The following UTY variants were observed in gnomAD, a reference collection of about 807,000 sequenced individuals.
UTY encodes the protein ubiquitously transcribed tetratricopeptide repeat containing, Y-linked.
UTY carries 12 observed loss-of-function variants against 32.5 expected under a neutral mutation model. The observed-to-expected ratio is 0.37, with a 90% CI of 0.24 to 0.60. UTY has a LOEUF of 0.60. Among genes scored for constraint, UTY ranks in the 20% least tolerant of loss-of-function variants. The pLI is 0.69. For missense variants in UTY, 303 were observed against 299.2 expected (o/e 1.01, Z -0.09); for synonymous variants, 131 against 103.4 (o/e 1.27, Z -1.62).
At position 13,316,085 on chromosome Y, in the gene UTY, C is replaced by T. The variant is rs925517193; in HGVS notation, c.3276+7470G>A. On this transcript the variant is annotated intron_variant, in intron 21 of 29. Transcript: ENST00000545955. ...TTCTAAATTAAATTAACTGAGACCT[C>T]TCTTGAGATTTTTGGGGTTCATACT... Among the ~76,000 whole-genome samples, 6 of 33,420 alleles carry T rather than the reference C, an allele frequency of 1.8e-4. No homozygotes were observed. In the East Asian group the frequency reaches 4.7e-3, roughly 26 times the overall value. The allele number at this position is 33,420 out of a possible 37,273, so 89.7% of individuals were successfully genotyped here. A position where few individuals can be genotyped will look rare whatever the true frequency, so the allele number is the denominator to read the frequency against.
At chrY:13,246,846 C>CA, downstream of UTY, among the ~76,000 whole-genome samples, 1 of 19,438 alleles carries the variant, frequency 5.1e-5, no homozygotes, top group Non-Finnish European at 1.0e-4. Flanking sequence ...CACTGCACTC[C>CA]AGCCTAGGCA....
chrY:13,454,345 C>A (rs1603469263), intron 3 of UTY, among the ~76,000 whole-genome samples: 1 of 33,064 alleles, frequency 3.0e-5, no homozygotes, highest in South Asian at 6.9e-4. Context: ...AAAACCAAAG[C>A]ATTCATCCAA....
chrY:13,243,958 G>A (rs1049435192), downstream of UTY, among the ~76,000 whole-genome samples: 1 of 31,800 alleles, frequency 3.1e-5, no homozygotes, highest in South Asian at 7.4e-4. Context: ...ACAGACACAC[G>A]CCATTACACC....
chrY:13,409,255 G>C, intron 6 of UTY, among the ~76,000 whole-genome samples: 1 of 33,584 alleles, frequency 3.0e-5, no homozygotes, highest in Non-Finnish European at 7.4e-5. Context: ...CTGAAAATTT[G>C]AAAATTTCAG....
chrY:13,300,073 G>A (rs2058293425), intron 25 of UTY: 2 of 189,321 alleles, frequency 1.1e-5, no homozygotes. Flanking sequence ...TGAATCCTAG[G>A]CAGGAAAGGG....
At chrY:13,329,756 G>A in intron 18 of UTY, among the ~76,000 whole-genome samples, 1 of 33,578 alleles carries the variant, frequency 3.0e-5, no homozygotes, top group Non-Finnish European at 7.4e-5. Context: ...ATCAAAGAAA[G>A]TGTTCCTGAT....
At chrY:13,312,909 G>GCA (rs2059268878) in intron 21 of UTY, among the ~76,000 whole-genome samples, 1 of 33,227 alleles carries the variant, frequency 3.0e-5, no homozygotes, top group African/African-American at 1.2e-4. Flanking sequence ...AACACATGCT[G>GCA]GCGAGGATGT....
At chrY:13,234,440 T>C, downstream of UTY, 2 of 129,291 alleles carry the variant, frequency 1.5e-5, no homozygotes, top group South Asian at 8.5e-5. Flanking sequence ...GGGCTACAGC[T>C]CTTCTCTCCT....
chrY:13,428,848 T>C, intron 4 of UTY, among the ~76,000 whole-genome samples: 1 of 33,823 alleles, frequency 3.0e-5, no homozygotes, highest in Non-Finnish European at 7.4e-5. Context: ...GTTTGTGTCA[T>C]CTTCTTTCAC....
At chrY:13,316,241 A>AG (rs2059478471) in intron 21 of UTY, among the ~76,000 whole-genome samples, 1 of 33,324 alleles carries the variant, frequency 3.0e-5, no homozygotes, top group African/African-American at 1.2e-4. Context: ...GCATGGAAGA[A>AG]GCCCCTCCAG....
intron 6 of UTY, among the ~76,000 whole-genome samples, chrY:13,408,098 T>C: frequency 6.1e-5 from 2 of 32,583 alleles, no homozygotes; most frequent in Admixed American, 2.8e-4. Flanking sequence ...TGGCAAATGA[T>C]AGGCAAGGCA....
chrY:13,270,449 T>C lies in UTY; in HGVS notation c.4011-10045A>G, dbSNP rs774331567. Among the ~76,000 whole-genome samples the C allele has an allele frequency of 6.1e-4, 20 of 32,933 alleles. No individual in the cohort carries two copies. In the South Asian group the frequency reaches 0.014, roughly 23 times the overall value. 88.4% of individuals were successfully genotyped at this position (32,933 alleles called of 37,273 possible). On this transcript the variant is annotated intron_variant, in intron 27 of 29. Transcript: ENST00000545955. ...ACCCACAACATGCTTACTAGGAACATCTTTCTGACCTCCTTACAAATAATC... is the reference window on the plus strand; with the variant it reads ...ACCCACAACATGCTTACTAGGAACACCTTTCTGACCTCCTTACAAATAATC...
At chrY:13,252,037 G>A (rs2054215359) in intron 28 of UTY, among the ~76,000 whole-genome samples, 6 of 29,617 alleles carry the variant, frequency 2.0e-4, no homozygotes, top group Admixed American at 1.8e-3. Context: ...AAAATTAGCC[G>A]GGCGTAGTGG....
intron 4 of UTY, among the ~76,000 whole-genome samples, chrY:13,434,753 A>G: frequency 1.5e-4 from 5 of 33,733 alleles, no homozygotes; most frequent in Admixed American, 1.1e-3. Flanking sequence ...ATATGCACCC[A>G]TCACTCCAGC....
chrY:13,300,791 ATATG>A (rs2058339254), intron 25 of UTY, among the ~76,000 whole-genome samples: 2 of 33,311 alleles, frequency 6.0e-5, no homozygotes, highest in Non-Finnish European at 1.5e-4. Context: ...GGAGTTGTCT[ATATG>A]AAATCTTACT....
chrY:13,281,545 A>G (rs1037292415), intron 27 of UTY, among the ~76,000 whole-genome samples: 66 of 33,694 alleles, frequency 2.0e-3, no homozygotes, highest in Non-Finnish European at 1.5e-3. Flanking sequence ...CTGAAAAGAA[A>G]GGGATGAAAA....
intron 4 of UTY, among the ~76,000 whole-genome samples, chrY:13,447,370 C>CA (rs2076008266): frequency 6.4e-5 from 2 of 31,154 alleles, no homozygotes; most frequent in Non-Finnish European, 1.6e-4. Flanking sequence ...GGATCCAAAA[C>CA]AAAAAAAAAT....
chrY:13,261,169 ACTTAT>A (rs2055238931), intron 27 of UTY, among the ~76,000 whole-genome samples: 2 of 33,389 alleles, frequency 6.0e-5, no homozygotes, highest in Non-Finnish European at 1.5e-4. Flanking sequence ...TCAACTCTAA[ACTTAT>A]CTTAGAAAGC....
chrY:13,479,767 C>T lies in UTY; in HGVS notation c.-102G>A. ...CTTGAGACTGTGACGCCAATTTTAT[C>T]GCCTCCTCAGCGGCTGCAAGGAAAA... On this transcript the variant is annotated 5_prime_UTR_variant, in exon 1 of 30. Coordinates refer to ENST00000545955, the MANE Select transcript of UTY (RefSeq NM_001258249.2). 3.0e-6 allele frequency: 1 copy of T among 330,572 alleles called. No individual in the cohort carries two copies. The highest frequency in any genetic ancestry group is 4.3e-6 in the Non-Finnish European group (1 of 234,090). The allele number at this position is 330,572 out of a possible 400,897, so 82.5% of individuals were successfully genotyped here.
Sources: allele counts gnomAD v4.1 joint callset (sites outside exome capture counted in the v4.1 genomes callset), GRCh38; gene constraint gnomAD v4.1.1; transcripts MANE v1.5; gene names NCBI Gene and HGNC (gene_info 2026-07-23, HGNC 2026-07-21).